FAM81B: variants seen among roughly 807,000 people sequenced by gnomAD.
The protein encoded by FAM81B is protein FAM81B.
A neutral mutation model predicts 58.7 loss-of-function variants in FAM81B; 60 were observed. That is an observed-to-expected ratio of 1.02 (90% CI 0.83 to 1.27). The LOEUF (loss-of-function observed/expected upper bound fraction) is 1.27, where lower values mean the gene tolerates loss of function less well. Ranked by LOEUF, FAM81B falls within the 50% of genes most tolerant of loss-of-function variation. FAM81B has a pLI of 0.00. For synonymous variants in FAM81B, 189 were observed against 179.6 expected, an observed-to-expected ratio of 1.05 and a Z score of -0.42; for missense variants, 491 against 522.0, an observed-to-expected ratio of 0.94 and a Z score of 0.58.
chr5:95,402,736 A>G (rs1762146099), intron 3 of FAM81B, among the ~76,000 whole-genome samples: 1 of 152,186 alleles, frequency 6.6e-6, no homozygotes. Flanking sequence ...TAATCTTGAC[A>G]TTAGCCAATA....
intron 4 of FAM81B, among the ~76,000 whole-genome samples, chr5:95,417,881 C>A (rs1286386835): frequency 6.6e-6 from 1 of 152,134 alleles, no homozygotes; most frequent in Non-Finnish European, 1.5e-5. Flanking sequence ...AATGTTTTTT[C>A]AGTTTGCTTT....
intron 7 of FAM81B, among the ~76,000 whole-genome samples, chr5:95,441,850 C>G (rs931472310): frequency 6.6e-6 from 1 of 152,174 alleles, no homozygotes; most frequent in Non-Finnish European, 1.5e-5. Context: ...TGTCCTAAGC[C>G]TACTTAGTTC....
intron 2 of FAM81B, among the ~76,000 whole-genome samples, chr5:95,393,415 GTATTATATAATAGGCTGTACCACA>G (rs1761883417): frequency 6.6e-6 from 1 of 152,132 alleles, no homozygotes; most frequent in Non-Finnish European, 1.5e-5. Flanking sequence ...TTTTTGGTAT[GTATTATATAATAGGCTGTACCACA>G]TACTAGCTGT....
chr5:95,448,580 G>T (rs1054574633), intron 9 of FAM81B, 116 bp downstream of exon 9: 2 of 938,522 alleles, frequency 2.1e-6, no homozygotes, highest in Admixed American at 2.9e-5. Context: ...ACATCGTTAT[G>T]TATTTATTCC....
intron 5 of FAM81B, among the ~76,000 whole-genome samples, chr5:95,423,643 C>A (rs1762746291): frequency 6.6e-6 from 1 of 150,942 alleles, no homozygotes; most frequent in South Asian, 2.1e-4. Context: ...GATATTATGA[C>A]AGGCCTGGTC....
chr5:95,445,433 C>T (rs917986890), intron 7 of FAM81B, among the ~76,000 whole-genome samples: 1 of 152,180 alleles, frequency 6.6e-6, no homozygotes, highest in Non-Finnish European at 1.5e-5. Flanking sequence ...CCTACCTCTT[C>T]CCAGTCCCAT....
intron 3 of FAM81B, among the ~76,000 whole-genome samples, chr5:95,402,328 C>T (rs1390464905): frequency 6.6e-6 from 1 of 152,138 alleles, no homozygotes; most frequent in South Asian, 2.1e-4. Context: ...TATAAGCTGT[C>T]TGTTGATCTT....
intron 2 of FAM81B, 125 bp from the exon 3 acceptor site, chr5:95,395,986 T>A: frequency 1.4e-6 from 1 of 690,466 alleles, no homozygotes; most frequent in South Asian, 2.1e-5. Context: ...TAAGATTAAC[T>A]GAGCTGATTA....
chr5:95,396,007 G>C (rs1170697449), intron 2 of FAM81B, 104 bp from the exon 3 acceptor site: 1 of 863,584 alleles, frequency 1.2e-6, no homozygotes, highest in Non-Finnish European at 1.8e-6. Context: ...TCTGGTCTAT[G>C]GTATACATTT....
At chr5:95,421,136 T>C (rs1762670300) in intron 5 of FAM81B, among the ~76,000 whole-genome samples, 1 of 152,262 alleles carries the variant, frequency 6.6e-6, no homozygotes, top group African/African-American at 2.4e-5. Context: ...ACTCATCTTA[T>C]GCCAGGCCGT....
chr5:95,392,877 G>A lies in FAM81B; in HGVS notation c.208G>A (p.Asp70Asn), dbSNP rs1196421079. 5 of 1,608,896 alleles carry A rather than the reference G, an allele frequency of 3.1e-6. No individual in the cohort carries two copies. The highest frequency in any genetic ancestry group is 3.4e-5 in the Admixed American group (2 of 58,584). ...VEPDGPLPGS[D>N]NNQEKKVRLS... Reference sequence around the variant, plus strand: ...ACCTGATGGCCCCCTTCCTGGCTCAGACAATAACCAAGAAAAGAAAGCAAG... The same window carrying A: ...ACCTGATGGCCCCCTTCCTGGCTCAAACAATAACCAAGAAAAGAAAGCAAG... The change falls in exon 2 of 10, where the codon GAC (aspartate) becomes AAC (asparagine). Residue 70 changes from aspartate to asparagine, a missense_variant. Physicochemically the swap from Asp to Asn is conservative, Grantham distance 23. Coordinates refer to ENST00000283357, the MANE Select transcript of FAM81B (RefSeq NM_152548.3).
At chr5:95,404,843 A>G (rs960109651) in intron 3 of FAM81B, among the ~76,000 whole-genome samples, 3 of 152,210 alleles carry the variant, frequency 2.0e-5, no homozygotes, top group African/African-American at 7.2e-5. Context: ...ATAATTTTAG[A>G]TAATGACAAA....
intron 6 of FAM81B, among the ~76,000 whole-genome samples, chr5:95,430,350 A>G (rs1320421722): frequency 6.7e-6 from 1 of 150,028 alleles, no homozygotes; most frequent in Non-Finnish European, 1.5e-5. Context: ...GCAAATACAT[A>G]TTTTTATTCC....
chr5:95,423,474 G>A (rs145900242), intron 5 of FAM81B, among the ~76,000 whole-genome samples: 78 of 149,308 alleles, frequency 5.2e-4, no homozygotes, highest in African/African-American at 1.5e-3. Flanking sequence ...CTTACAATCC[G>A]TAGCCGCAGT....
At chr5:95,440,409 C>G in intron 7 of FAM81B, 1 of 668,368 alleles carries the variant, frequency 1.5e-6, no homozygotes, top group East Asian at 3.6e-5. Flanking sequence ...TGACGATTAC[C>G]TGGTAATGCC....
chr5:95,438,776 C>A (rs1561312579), intron 7 of FAM81B, among the ~76,000 whole-genome samples: 3 of 135,262 alleles, frequency 2.2e-5, no homozygotes, highest in African/African-American at 3.0e-5. Context: ...TAAAAATATG[C>A]ATTAATTGTA....
Position 95,391,396 on chromosome 5 carries a change from T to C in FAM81B, c.7T>C (p.Leu3=). MQ[L]QFLGTLASSE... is the part of the protein sequence containing the mutation. ...CAGGAAGACCTTAGTTAGGATGCAA[T>C]TACAATTCCTTGGTACATTGGCTTC... The change falls in exon 1 of 10, where the codon TTA becomes CTA. Residue 3 remains leucine, a synonymous_variant. Coordinates refer to ENST00000283357, the MANE Select transcript of FAM81B (RefSeq NM_152548.3). The C allele has an allele frequency of 6.2e-7, 1 of 1,612,864 alleles. No homozygotes were observed. Among genetic ancestry groups the C allele is most frequent in the East Asian group, 2.2e-5 (1 of 44,846 alleles).
At chr5:95,405,117 G>A (rs1762210952) in intron 3 of FAM81B, among the ~76,000 whole-genome samples, 1 of 152,302 alleles carries the variant, frequency 6.6e-6, no homozygotes, top group Admixed American at 6.5e-5. Flanking sequence ...GATCAAGAAA[G>A]GAAGAAAGAA....
intron 3 of FAM81B, among the ~76,000 whole-genome samples, chr5:95,396,400 T>C (rs1293629991): frequency 6.6e-6 from 1 of 152,214 alleles, no homozygotes; most frequent in East Asian, 1.9e-4. Flanking sequence ...TTAACTACCT[T>C]TTCTTTAAAT....
Sources: gnomAD v4.1 joint callset for allele counts (sites outside exome capture counted in the v4.1 genomes callset) on GRCh38, gnomAD v4.1.1 for gene constraint, MANE v1.5 for transcripts, NCBI Gene and HGNC (gene_info 2026-07-23, HGNC 2026-07-21) for gene names.